The following MXRA7 variants were observed in gnomAD, a reference collection of about 807,000 sequenced individuals.
MXRA7 encodes the protein matrix remodeling associated 7, also known as matrix-remodeling-associated protein 7.
In MXRA7, 18 loss-of-function variants were observed where a neutral mutation model predicts 17.4. The observed-to-expected ratio is 1.03, with a 90% CI of 0.71 to 1.53. The LOEUF is 1.53. Ranked by LOEUF, MXRA7 falls within the 40% of genes most tolerant of loss-of-function variation. The pLI, the probability that MXRA7 is intolerant of heterozygous loss-of-function variation, is 0.00. For synonymous variants in MXRA7, 70 were observed against 101.7 expected, an observed-to-expected ratio of 0.69 and a Z score of 1.87; for missense variants, 141 against 209.3, an observed-to-expected ratio of 0.67 and a Z score of 2.01.
chr17:76,700,326 C>T (rs1217367524), intron 1 of MXRA7, among the ~76,000 whole-genome samples: 2 of 152,080 alleles, frequency 1.3e-5, no homozygotes, highest in East Asian at 3.8e-4. Flanking sequence ...GTGGCTTCCG[C>T]CTAAGGAAAA....
At chr17:76,687,859 G>A (rs2076418049) in intron 2 of MXRA7, among the ~76,000 whole-genome samples, 2 of 152,240 alleles carry the variant, frequency 1.3e-5, no homozygotes, top group African/African-American at 4.8e-5. Context: ...GGCAGGGCGT[G>A]TAGTGTGTTC....
intron 1 of MXRA7, among the ~76,000 whole-genome samples, chr17:76,706,407 G>A (rs140482498): frequency 0.025 from 3,401 of 135,846 alleles, 226 homozygotes; most frequent in East Asian, 0.11. Context: ...TGCCGTCACA[G>A]AGGCCCACAC....
At chr17:76,683,726 T>TG (rs2076344069) in intron 3 of MXRA7, 1 of 690,100 alleles carries the variant, frequency 1.4e-6, no homozygotes, top group Admixed American at 2.2e-5. Flanking sequence ...AGGTGGGAAA[T>TG]GTATTAATCG....
At chr17:76,673,019 A>T (rs999399160) in exon 4 of MXRA7, 38 of 152,220 alleles carry the variant, frequency 2.5e-4, no homozygotes, top group African/African-American at 8.2e-4. Flanking sequence ...ATTGGTGGCC[A>T]TGCTATAGCC....
chr17:76,708,620 CG>C (rs766652421), intron 1 of MXRA7, among the ~76,000 whole-genome samples: 2 of 152,078 alleles, frequency 1.3e-5, no homozygotes, highest in Non-Finnish European at 2.9e-5. Flanking sequence ...GTCACTGACT[CG>C]AAGCTCATCA....
chr17:76,687,511 T>C (rs572891306), intron 2 of MXRA7, among the ~76,000 whole-genome samples: 1 of 152,348 alleles, frequency 6.6e-6, no homozygotes, highest in East Asian at 1.9e-4. Context: ...TCCGCTTTCT[T>C]TTTTAGAGAA....
At chr17:76,701,605 C>G in intron 1 of MXRA7, among the ~76,000 whole-genome samples, 1 of 151,890 alleles carries the variant, frequency 6.6e-6, no homozygotes, top group East Asian at 1.9e-4. Flanking sequence ...ATATTATGGG[C>G]ATGAGCTCTT....
chr17:76,680,281 C>A lies in MXRA7; in HGVS notation c.*586G>T. On this transcript the variant is annotated 3_prime_UTR_variant, in exon 4 of 4. Transcript: ENST00000449428. ...ATAAGGGGAATGGTCAAGTAAATTC[C>A]TGGTACTGGTTCTTTGCTGCCCTGT... The A allele has an allele frequency of 1.0e-6, 1 of 982,402 alleles. No homozygotes were observed. The highest frequency in any genetic ancestry group is 1.2e-6 in the Non-Finnish European group (1 of 827,376). The allele number at this position is 982,402 out of a possible 1,614,324, so 60.9% of individuals were successfully genotyped here.
Position 76,681,322 on chromosome 17 carries a change from C to T in MXRA7, c.501-443G>A, listed in dbSNP as rs2076300702. The stretch of plus-strand genomic sequence containing the variant: ...CTAGGATGCACGCTTCCAGATGGAG[C>T]CAACTGCATGCCCGTCTTTTATGAA... On this transcript the variant is annotated intron_variant, in intron 3 of 3. Coordinates refer to ENST00000449428, the MANE Select transcript of MXRA7 (RefSeq NM_198530.4). This position sits in a 1 kb window ranked among gnomAD's most constrained non-coding sequence, Gnocchi z 4.7. Among the ~76,000 whole-genome samples the T allele has an allele frequency of 6.6e-6, 1 of 152,190 alleles. No homozygotes were observed. Among genetic ancestry groups the T allele is most frequent in the Non-Finnish European group, 1.5e-5 (1 of 68,016 alleles).
chr17:76,697,026 A>G (rs1456250721), intron 1 of MXRA7, among the ~76,000 whole-genome samples: 1 of 152,198 alleles, frequency 6.6e-6, no homozygotes, highest in Non-Finnish European at 1.5e-5. Flanking sequence ...AGGAGTGTTC[A>G]GGCTACTCGG....
intron 1 of MXRA7, 84 bp from the exon 2 acceptor site, chr17:76,688,260 AG>A: frequency 6.3e-7 from 1 of 1,585,044 alleles, no homozygotes; most frequent in Non-Finnish European, 8.6e-7. Context: ...GGGGAGACAG[AG>A]GAGGCCCTCG....
rs2076306256 is a variant in MXRA7, at chr17:76,681,748, G to T, written c.501-869C>A. Among the ~76,000 whole-genome samples, 3 of 152,212 alleles carry T rather than the reference G, an allele frequency of 2.0e-5. No individual in the cohort carries two copies. In the South Asian group the frequency reaches 6.2e-4, roughly 31 times the overall value. ...AAGAAGTGATGGAGAGGAGCTGACA[G>T]CCGCGCCTGTTCTTTCTCCTGCCAA... On this transcript the variant is annotated intron_variant, in intron 3 of 3. Coordinates refer to ENST00000449428, the MANE Select transcript of MXRA7 (RefSeq NM_198530.4). This position sits in a 1 kb window ranked among gnomAD's most constrained non-coding sequence, Gnocchi z 4.7.
Position 76,680,566 on chromosome 17 carries a change from A to G in MXRA7, c.*301T>C. 1.7e-6 allele frequency: 2 copies of G among 1,168,038 alleles called. No homozygotes were observed. The highest frequency in any genetic ancestry group is 8.5e-5 in the East Asian group (2 of 23,568). The allele number at this position is 1,168,038 out of a possible 1,614,324, so 72.4% of individuals were successfully genotyped here. Reference sequence around the variant, plus strand: ...GCAGGGTGTGTGGATAGCAAGTTTGAGTGGTAAGAAAAATCCCAGTCCAGG... The same window carrying G: ...GCAGGGTGTGTGGATAGCAAGTTTGGGTGGTAAGAAAAATCCCAGTCCAGG... On this transcript the variant is annotated 3_prime_UTR_variant, in exon 4 of 4. Coordinates refer to ENST00000449428, the MANE Select transcript of MXRA7 (RefSeq NM_198530.4).
intron 2 of MXRA7, among the ~76,000 whole-genome samples, 156 bp downstream of exon 2, chr17:76,687,957 A>G (rs2076420015): frequency 6.6e-6 from 1 of 152,042 alleles, no homozygotes. Flanking sequence ...CAGGACATCC[A>G]TGGCGCCAGA....
rs1324145831 is a variant in MXRA7, at chr17:76,672,592, G to A, written c.*4996C>T. Reference sequence around the variant, plus strand: ...GCAAGGTTTTATTTGTAGTGGCACTGTATGAATTTGCAAGACTGGAAACCA... The same window carrying A: ...GCAAGGTTTTATTTGTAGTGGCACTATATGAATTTGCAAGACTGGAAACCA... On this transcript the variant is annotated 3_prime_UTR_variant, in exon 4 of 4. Coordinates refer to the MXRA7 transcript ENST00000355797. The A allele has an allele frequency of 2.0e-5, 3 of 152,232 alleles. No homozygotes were observed. The East Asian group carries it at 5.8e-4, about 29-fold the overall frequency. The allele number at this position is 152,232 out of a possible 1,614,324, so 9.4% of individuals were successfully genotyped here.
chr17:76,688,115 T>C lies in MXRA7; in HGVS notation c.404A>G (p.Asp135Gly), dbSNP rs1157866946. Residue 135 changes from aspartate to glycine, a missense_variant and splice_region_variant, in exon 2 of 4, where the codon GAC (aspartate) becomes GGC (glycine). Physicochemically the swap from Asp to Gly is moderately conservative, Grantham distance 94. Transcript: ENST00000449428. ...ATGAGCGCAGAGGTCCCACTCACCGTCCTCCTCCTCAGGCCCTTCCGATGA... is the reference window on the plus strand; with the variant it reads ...ATGAGCGCAGAGGTCCCACTCACCGCCCTCCTCCTCAGGCCCTTCCGATGA... Reference protein sequence around the residue: ...GPSSEGPEEEDGEGFSFKYSP... With the variant: ...GPSSEGPEEEGGEGFSFKYSP... 1.9e-6 allele frequency: 3 copies of C among 1,613,408 alleles called. No homozygotes were observed. The highest frequency in any genetic ancestry group is 2.5e-6 in the Non-Finnish European group (3 of 1,179,890).
chr17:76,697,840 T>C (rs1025283549), intron 1 of MXRA7, among the ~76,000 whole-genome samples: 10 of 151,036 alleles, frequency 6.6e-5, no homozygotes, highest in African/African-American at 2.4e-4. Context: ...ATGGCTGCCC[T>C]GGCTGATTCA....
intron 1 of MXRA7, among the ~76,000 whole-genome samples, chr17:76,698,333 G>A (rs899525777): frequency 6.7e-6 from 1 of 149,628 alleles, no homozygotes; most frequent in African/African-American, 2.5e-5. Flanking sequence ...GACTCCATTA[G>A]CCAATCAGCT....
chr17:76,696,694 G>T (rs1414202510), intron 1 of MXRA7, among the ~76,000 whole-genome samples: 4 of 152,082 alleles, frequency 2.6e-5, no homozygotes, highest in Admixed American at 2.6e-4. Context: ...CAGAGCTCAG[G>T]GGAGAGATGA....
Sources: allele counts gnomAD v4.1 joint callset (sites outside exome capture counted in the v4.1 genomes callset), GRCh38; gene constraint gnomAD v4.1.1; non-coding constraint Gnocchi (gnomAD v3.1); transcripts MANE v1.5; gene names NCBI Gene and HGNC (gene_info 2026-07-23, HGNC 2026-07-21).